Variants in PEAK1 observed in about 807,000 individuals in gnomAD.
The protein encoded by PEAK1 is pseudopodium enriched atypical kinase 1, also known as inactive tyrosine-protein kinase PEAK1.
PEAK1 carries 54 observed loss-of-function variants against 124.7 expected under a neutral mutation model. That is an observed-to-expected ratio of 0.43 (90% CI 0.35 to 0.54). The LOEUF is 0.54. Ranked by LOEUF, PEAK1 falls within the 20% of genes least tolerant of loss-of-function variation. The pLI, the probability that PEAK1 is intolerant of heterozygous loss-of-function variation, is 0.01. For missense variants in PEAK1, 2,046 were observed against 2,134.5 expected, an observed-to-expected ratio of 0.96 and a Z score of 0.82; for synonymous variants, 719 against 760.0, an observed-to-expected ratio of 0.95 and a Z score of 0.89.
upstream of PEAK1, chr15:77,420,865 G>A (rs1014775017): frequency 1.0e-5 from 4 of 398,694 alleles, no homozygotes; most frequent in Admixed American, 4.4e-5. Context: ...CCAAAATAAA[G>A]TGCTGCGGAA....
chr15:77,122,608 C>T (rs1407708033), intron 9 of PEAK1, among the ~76,000 whole-genome samples: 2 of 152,114 alleles, frequency 1.3e-5, no homozygotes, highest in East Asian at 3.9e-4. Flanking sequence ...CATTTTGATT[C>T]CAGGTTTACA....
intron 5 of PEAK1, among the ~76,000 whole-genome samples, chr15:77,266,037 G>A (rs1394546483): frequency 6.6e-5 from 10 of 151,922 alleles, no homozygotes; most frequent in Non-Finnish European, 1.5e-4. Flanking sequence ...TCACTCATAG[G>A]TGGGAACTGA....
Position 77,330,969 on chromosome 15 carries a change from G to A in PEAK1, c.-603+34194C>T, listed in dbSNP as rs1220885202. 5.7e-6 allele frequency: 5 copies of A among 879,296 alleles called. No individual in the cohort carries two copies. In the African/African-American group the frequency reaches 9.1e-5, roughly 16 times the overall value. The allele number at this position is 879,296 out of a possible 1,614,324, so 54.5% of individuals were successfully genotyped here. Reference sequence around the variant, plus strand: ...GATACAGTAGGTACTAAGTATTTGTGAGTGAATGGCTGAGTAATTAGGATC... The same window carrying A: ...GATACAGTAGGTACTAAGTATTTGTAAGTGAATGGCTGAGTAATTAGGATC... On this transcript the variant is annotated intron_variant, in intron 2 of 9. Transcript: ENST00000682557.
At chr15:77,138,705 T>C (rs905390807) in intron 8 of PEAK1, among the ~76,000 whole-genome samples, 1 of 151,940 alleles carries the variant, frequency 6.6e-6, no homozygotes, top group South Asian at 2.1e-4. Context: ...GTACTAAAAA[T>C]ACAAAAATTA....
chr15:77,359,240 C>G (rs2067725602), intron 2 of PEAK1, among the ~76,000 whole-genome samples: 1 of 152,000 alleles, frequency 6.6e-6, no homozygotes, highest in Admixed American at 6.6e-5. Flanking sequence ...GAGTTTGTGA[C>G]CAGCCTGAGC....
intron 1 of PEAK1, among the ~76,000 whole-genome samples, chr15:77,374,257 T>C (rs1457739950): frequency 6.6e-6 from 1 of 152,178 alleles, no homozygotes; most frequent in East Asian, 1.9e-4. Flanking sequence ...ATAAATGGCA[T>C]GTCTAATTAC....
intron 5 of PEAK1, among the ~76,000 whole-genome samples, chr15:77,271,542 A>C (rs576000691): frequency 6.2e-4 from 95 of 152,302 alleles, no homozygotes; most frequent in African/African-American, 2.2e-3. Context: ...AATGTCCATC[A>C]ATGATAGACT....
In PEAK1 at chr15:77,180,998, T is replaced by A; in HGVS notation, c.929A>T (p.Asp310Val). The A allele has an allele frequency of 6.2e-7, 1 of 1,614,196 alleles. No individual in the cohort carries two copies. Among genetic ancestry groups the A allele is most frequent in the Non-Finnish European group, 8.5e-7 (1 of 1,180,010 alleles). Residue 310 changes from aspartate (D) to valine (V), a missense_variant, in exon 7 of 10, where the codon GAT (aspartate) becomes GTT (valine). Coordinates refer to ENST00000682557, the MANE Select transcript of PEAK1 (RefSeq NM_001385026.1). ...SLQRICAVDY[D>V]DSYDEILNGY... ...ATTCAGGATTTCATCATAGCTGTCA[T>A]CATAGTCCACAGCACAGATTCTCTG... is the stretch of plus-strand genomic sequence containing the variant.
rs1453482341 is a variant in PEAK1, at chr15:77,112,776, AG to A, written c.*1379del. On this transcript the variant is annotated 3_prime_UTR_variant, in exon 10 of 10. Coordinates refer to ENST00000682557, the MANE Select transcript of PEAK1 (RefSeq NM_001385026.1). Reference sequence around the variant, plus strand: ...AGGGAAGAAGGGGGAGGGTTTCTGTAGACTCGCTTCAGGTGAAGTTGCAACA... The same window carrying A: ...AGGGAAGAAGGGGGAGGGTTTCTGTAACTCGCTTCAGGTGAAGTTGCAACA... The A allele has an allele frequency of 1.3e-5, 2 of 152,244 alleles. No individual in the cohort carries two copies. Among genetic ancestry groups the A allele is most frequent in the African/African-American group, 4.8e-5 (2 of 41,418 alleles). The allele number at this position is 152,244 out of a possible 1,614,324, so 9.4% of individuals were successfully genotyped here. A position where few individuals can be genotyped will look rare whatever the true frequency, so the allele number is the denominator to read the frequency against.
intron 1 of PEAK1, chr15:77,417,907 A>C (rs1338421975): frequency 1.0e-6 from 1 of 982,610 alleles, no homozygotes; most frequent in African/African-American, 1.7e-5. Context: ...TATGCAAATA[A>C]GCAAATAAAA....
downstream of PEAK1, chr15:77,104,159 G>C (rs2050723294): frequency 6.6e-6 from 1 of 152,322 alleles, no homozygotes; most frequent in South Asian, 2.1e-4. Flanking sequence ...GCAGCTTTAG[G>C]CAAGTTTCTT....
intron 1 of PEAK1, chr15:77,404,480 C>T (rs898406716): frequency 2.2e-6 from 1 of 455,848 alleles, no homozygotes; most frequent in Admixed American, 6.4e-5. Flanking sequence ...ATATTGATGG[C>T]ATGTTGCAAT....
intron 2 of PEAK1, among the ~76,000 whole-genome samples, chr15:77,331,911 C>T (rs1217229760): frequency 6.6e-6 from 1 of 152,018 alleles, no homozygotes; most frequent in Non-Finnish European, 1.5e-5. Flanking sequence ...CCACTGTGCC[C>T]AGCACTCTGA....
intron 2 of PEAK1, among the ~76,000 whole-genome samples, chr15:77,322,298 T>C (rs556076106): frequency 1.4e-4 from 22 of 151,862 alleles, no homozygotes; most frequent in African/African-American, 5.3e-4. Flanking sequence ...CTGAAGGAAA[T>C]AGAGACACAA....
chr15:77,274,157 T>C (rs1183097149), intron 5 of PEAK1, among the ~76,000 whole-genome samples: 1 of 152,152 alleles, frequency 6.6e-6, no homozygotes, highest in Non-Finnish European at 1.5e-5. Flanking sequence ...ATCTGAGACA[T>C]GAAACCATAA....
intron 5 of PEAK1, among the ~76,000 whole-genome samples, chr15:77,272,470 C>A (rs1400021507): frequency 6.6e-6 from 1 of 152,056 alleles, no homozygotes; most frequent in African/African-American, 2.4e-5. Flanking sequence ...TCATTCAAGG[C>A]TACTATGAAC....
In PEAK1 at chr15:77,114,491, G is replaced by T; in HGVS notation, c.4906C>A (p.Arg1636=). The change falls in exon 10 of 10, where the codon CGG becomes AGG. Residue 1636 remains arginine (R), a synonymous_variant. Transcript: ENST00000682557. ...CAGCTGGCCAGCTGCTGCAGACCCC[G>T]GGAGTAGGGGGAGCGGAATGGGATG... is the stretch of plus-strand genomic sequence containing the variant. ...PRIPFRSPYS[R]GLQQLASCLL... 1 of 1,614,030 alleles carries T rather than the reference G, an allele frequency of 6.2e-7. No homozygotes were observed. Among genetic ancestry groups the T allele is most frequent in the Non-Finnish European group, 8.5e-7 (1 of 1,179,940 alleles).
chr15:77,146,081 G>A (rs913876251), intron 8 of PEAK1, among the ~76,000 whole-genome samples: 4 of 152,192 alleles, frequency 2.6e-5, no homozygotes, highest in African/African-American at 9.6e-5. Flanking sequence ...AGAGACCATC[G>A]CCTCCACTAG....
rs16968703 is a variant in PEAK1 at position 77,209,600 on chromosome 15, A to G, written c.-114-27560T>C. ...CTAACTAGTTAGAAAACTCTGGCAA[A>G]GTCACAAATTCCTTCTGCCTCAGGA... On this transcript the variant is annotated intron_variant, in intron 6 of 9. Coordinates refer to ENST00000682557, the MANE Select transcript of PEAK1 (RefSeq NM_001385026.1). Among the ~76,000 whole-genome samples the G allele has an allele frequency of 4.8e-3, 729 of 152,332 alleles. 4 individuals are homozygous for G. Among genetic ancestry groups the G allele is most frequent in the African/African-American group, 0.016 (675 of 41,568 alleles).
Sources: gnomAD v4.1 joint callset for allele counts (sites outside exome capture counted in the v4.1 genomes callset) on GRCh38, gnomAD v4.1.1 for gene constraint, MANE v1.5 for transcripts, NCBI Gene and HGNC (gene_info 2026-07-23, HGNC 2026-07-21) for gene names.